VDAC2: variants seen among roughly 807,000 people sequenced by gnomAD.
The protein encoded by VDAC2 is non-selective voltage-gated ion channel VDAC2.
VDAC2 carries 6 observed loss-of-function variants against 36.6 expected under a neutral mutation model. The ratio of observed to expected loss-of-function variants is 0.16; its 90% CI spans 0.09 to 0.32. The LOEUF is 0.32. Ranked by LOEUF, VDAC2 falls within the 10% of genes least tolerant of loss-of-function variation. VDAC2 has a pLI of 1.00. For missense variants in VDAC2, 247 were observed against 346.0 expected, an observed-to-expected ratio of 0.71 and a Z score of 2.27; for synonymous variants, 109 against 123.8, an observed-to-expected ratio of 0.88 and a Z score of 0.79.
intron 4 of VDAC2, among the ~76,000 whole-genome samples, chr10:75,214,784 CAG>C (rs775615627): frequency 5.9e-5 from 9 of 152,212 alleles, no homozygotes; most frequent in Admixed American, 2.0e-4. Flanking sequence ...CTTGGCCTCC[CAG>C]AGTGCTGGGA....
upstream of VDAC2, chr10:75,210,538 C>T (rs961808612): frequency 6.6e-6 from 1 of 152,418 alleles, no homozygotes; most frequent in African/African-American, 2.4e-5. Flanking sequence ...CATCCCCCTC[C>T]CAGGCGGTCC....
At chr10:75,224,423 A>G (rs1841899142) in intron 8 of VDAC2, among the ~76,000 whole-genome samples, 1 of 152,120 alleles carries the variant, frequency 6.6e-6, no homozygotes, top group African/African-American at 2.4e-5. Context: ...TCATCGAAGC[A>G]TGGTTTAGGA....
chr10:75,215,374 C>CGGAGT (rs1841570061), intron 4 of VDAC2, among the ~76,000 whole-genome samples: 1 of 147,690 alleles, frequency 6.8e-6, no homozygotes, highest in South Asian at 2.1e-4. Flanking sequence ...TTTTTTGAGA[C>CGGAGT]GGAGTCTTGC....
At chr10:75,213,016 A>G (rs1484689500) in intron 3 of VDAC2, among the ~76,000 whole-genome samples, 3 of 151,992 alleles carry the variant, frequency 2.0e-5, no homozygotes, top group African/African-American at 7.3e-5. Context: ...CCCTTTATTT[A>G]GACTGTTGGA....
At chr10:75,229,555 C>A in intron 8 of VDAC2, 89 bp from the exon 9 acceptor site, 1 of 1,008,450 alleles carries the variant, frequency 9.9e-7, no homozygotes, top group Non-Finnish European at 1.5e-6. Flanking sequence ...TAAAACTGAA[C>A]ACTTCATGAT....
chr10:75,213,778 G>A (rs1022341842), intron 3 of VDAC2, among the ~76,000 whole-genome samples: 7 of 152,066 alleles, frequency 4.6e-5, no homozygotes, highest in African/African-American at 1.7e-4. Context: ...TAATTTGAAA[G>A]CATTCTTTTG....
chr10:75,229,491 T>G, intron 8 of VDAC2, 153 bp from the exon 9 acceptor site: 1 of 554,718 alleles, frequency 1.8e-6, no homozygotes. Flanking sequence ...AATTAAATAG[T>G]ACCTGGTTTG....
chr10:75,218,630 C>T (rs1044974021), intron 4 of VDAC2, among the ~76,000 whole-genome samples: 21 of 151,976 alleles, frequency 1.4e-4, no homozygotes, highest in African/African-American at 1.9e-4. Context: ...GGTGTGGTGG[C>T]GGGCACCTGT....
At chr10:75,229,544 A>G in intron 8 of VDAC2, 100 bp from the exon 9 acceptor site, 1 of 913,326 alleles carries the variant, frequency 1.1e-6, no homozygotes, top group Non-Finnish European at 1.7e-6. Context: ...TCTCACGTGA[A>G]TAAAACTGAA....
At chr10:75,217,085 G>A (rs1193051717) in intron 4 of VDAC2, among the ~76,000 whole-genome samples, 6 of 151,854 alleles carry the variant, frequency 4.0e-5, no homozygotes, top group South Asian at 2.1e-4. Flanking sequence ...GTGAGACCCC[G>A]TCTCTACAAA....
In VDAC2 at chr10:75,220,877, A is replaced by C; in HGVS notation, c.491A>C (p.Tyr164Ser). Residue 164 changes from tyrosine to serine, a missense_variant, in exon 7 of 10, where the codon TAC (tyrosine) becomes TCC (serine). Tyr to Ser is a moderately radical substitution (Grantham distance 144). Transcript: ENST00000332211. Reference protein sequence around the residue: ...VFGYEGWLAGYQMTFDSAKSK... With the variant: ...VFGYEGWLAGSQMTFDSAKSK... ...GGTTATGAGGGCTGGCTTGCTGGCTACCAGATGACCTTTGACAGTGCCAAA... is the reference window on the plus strand; with the variant it reads ...GGTTATGAGGGCTGGCTTGCTGGCTCCCAGATGACCTTTGACAGTGCCAAA... 6.2e-7 allele frequency: 1 copy of C among 1,613,684 alleles called. No homozygotes were observed. Among genetic ancestry groups the C allele is most frequent in the Non-Finnish European group, 8.5e-7 (1 of 1,179,578 alleles).
chr10:75,213,780 A>G (rs1215265644), intron 3 of VDAC2, among the ~76,000 whole-genome samples: 1 of 152,204 alleles, frequency 6.6e-6, no homozygotes, highest in Non-Finnish European at 1.5e-5. Flanking sequence ...ATTTGAAAGC[A>G]TTCTTTTGTG....
chr10:75,212,740 C>T (rs1231948054), intron 3 of VDAC2, among the ~76,000 whole-genome samples: 1 of 152,152 alleles, frequency 6.6e-6, no homozygotes, highest in African/African-American at 2.4e-5. Context: ...TTAGATTAAA[C>T]TTATGTGAAA....
At chr10:75,213,243 T>C (rs1480921829) in intron 3 of VDAC2, among the ~76,000 whole-genome samples, 3 of 149,874 alleles carry the variant, frequency 2.0e-5, no homozygotes, top group Non-Finnish European at 4.5e-5. Flanking sequence ...CATGCCCAGC[T>C]TTTTTTTTGT....
chr10:75,225,017 C>T (rs933523710), intron 8 of VDAC2, among the ~76,000 whole-genome samples: 1 of 152,170 alleles, frequency 6.6e-6, no homozygotes, highest in African/African-American at 2.4e-5. Context: ...CATGCTCATA[C>T]TGCCATATGG....
intron 3 of VDAC2, among the ~76,000 whole-genome samples, chr10:75,213,613 A>ACG (rs1203906002): frequency 1.3e-5 from 2 of 152,138 alleles, no homozygotes; most frequent in African/African-American, 4.8e-5. Context: ...GCGTGGTGGC[A>ACG]CGCACCTGTA....
intron 3 of VDAC2, 118 bp downstream of exon 3, chr10:75,212,416 G>A (rs958165249): frequency 1.0e-6 from 1 of 981,620 alleles, no homozygotes; most frequent in African/African-American, 1.6e-5. Flanking sequence ...TAAATTTAGA[G>A]TTACTTATTT....
intron 4 of VDAC2, chr10:75,217,996 G>T (rs1334747534): frequency 4.9e-6 from 6 of 1,226,036 alleles, no homozygotes; most frequent in Non-Finnish European, 6.4e-6. Context: ...GCTGAGGTAC[G>T]TGGATCACTT....
At chr10:75,215,338 TATA>T (rs1589999983) in intron 4 of VDAC2, among the ~76,000 whole-genome samples, 2 of 152,064 alleles carry the variant, frequency 1.3e-5, no homozygotes, top group South Asian at 2.1e-4. Flanking sequence ...TGTATGTATA[TATA>T]TAGAGAGAGA....
Sources: gnomAD v4.1 joint callset for allele counts (sites outside exome capture counted in the v4.1 genomes callset) on GRCh38, gnomAD v4.1.1 for gene constraint, MANE v1.5 for transcripts, NCBI Gene and HGNC (gene_info 2026-07-23, HGNC 2026-07-21) for gene names.